Variants in NOVA1 observed in about 807,000 individuals in gnomAD.
NOVA1 encodes the protein NOVA alternative splicing regulator 1.
NOVA1 carries 7 observed loss-of-function variants against 38.0 expected under a neutral mutation model. That is an observed-to-expected ratio of 0.18 (90% confidence interval 0.10 to 0.35). The LOEUF is 0.35. NOVA1 is among the 10% of genes least tolerant of loss of function. The pLI is 1.00. For missense variants in NOVA1, 460 were observed against 616.0 expected (o/e 0.75, Z 2.68); for synonymous variants, 270 against 232.5 (o/e 1.16, Z -1.47).
At position 26,447,831 on chromosome 14, in the gene NOVA1, A is replaced by G; in HGVS notation, c.*128T>C. ...TTATTTACATATACACATTGTCAAC[A>G]TAGTCGCATTCATTTGCATAATTAT... is the stretch of plus-strand genomic sequence containing the variant. On this transcript the variant is annotated 3_prime_UTR_variant, in exon 5 of 5. Transcript: ENST00000539517. The G allele has an allele frequency of 1.5e-6, 1 of 683,674 alleles. No homozygotes were observed. Among genetic ancestry groups the G allele is most frequent in the South Asian group, 1.9e-5 (1 of 51,470 alleles). 42.4% of individuals were successfully genotyped at this position (683,674 alleles called of 1,614,324 possible).
At chr14:26,480,190 T>A in intron 2 of NOVA1, 47 bp from the exon 3 acceptor site, 1 of 1,518,240 alleles carries the variant, frequency 6.6e-7, no homozygotes, top group Non-Finnish European at 8.9e-7. Flanking sequence ...CACTTTGCAT[T>A]AAAAAAATTA....
At chr14:26,463,097 T>C (rs1228378705) in intron 4 of NOVA1, among the ~76,000 whole-genome samples, 3 of 152,180 alleles carry the variant, frequency 2.0e-5, no homozygotes, top group African/African-American at 7.2e-5. Flanking sequence ...CTCAGCATTT[T>C]AAATAGCTTC....
intron 3 of NOVA1, chr14:26,479,698 T>C (rs1017709504): frequency 7.7e-6 from 3 of 388,228 alleles, no homozygotes; most frequent in African/African-American, 6.2e-5. Flanking sequence ...TTCCTATAAA[T>C]TAAATTTGTG....
At chr14:26,461,222 A>C (rs978084833) in intron 4 of NOVA1, among the ~76,000 whole-genome samples, 2 of 152,140 alleles carry the variant, frequency 1.3e-5, no homozygotes, top group African/African-American at 2.4e-5. Flanking sequence ...TAAAAAAAGG[A>C]ATGTTACAGA....
At chr14:26,472,549 A>G (rs1884669299) in intron 3 of NOVA1, among the ~76,000 whole-genome samples, 158 bp from the exon 4 acceptor site, 1 of 152,184 alleles carries the variant, frequency 6.6e-6, no homozygotes, top group South Asian at 2.1e-4. Context: ...TTTAACATCA[A>G]TTAAGTAACT....
chr14:26,468,314 A>G (rs897104680), intron 4 of NOVA1, among the ~76,000 whole-genome samples: 2 of 151,778 alleles, frequency 1.3e-5, no homozygotes, highest in African/African-American at 4.8e-5. Context: ...ACAGGTTAAA[A>G]AAAAAAAAAA....
At chr14:26,494,849 C>G (rs1465066043) in intron 2 of NOVA1, among the ~76,000 whole-genome samples, 1 of 152,122 alleles carries the variant, frequency 6.6e-6, no homozygotes, top group Non-Finnish European at 1.5e-5. Context: ...CCACTACAAT[C>G]CACTCCTCTC....
At chr14:26,505,807 CAAAT>C in intron 2 of NOVA1, among the ~76,000 whole-genome samples, 1 of 152,166 alleles carries the variant, frequency 6.6e-6, no homozygotes, top group African/African-American at 2.4e-5. Flanking sequence ...CACATGTTAA[CAAAT>C]AAAACGGTAA....
chr14:26,579,170 G>A (rs760657024), intron 2 of NOVA1, among the ~76,000 whole-genome samples: 2 of 140,694 alleles, frequency 1.4e-5, no homozygotes, highest in South Asian at 2.4e-4. Context: ...TGACTCTCCC[G>A]CCTCAGCCTC....
intron 2 of NOVA1, among the ~76,000 whole-genome samples, chr14:26,559,725 C>T (rs116739721): frequency 6.6e-6 from 1 of 152,046 alleles, no homozygotes. Flanking sequence ...TGCTGGTTAT[C>T]AGAGGCTGGG....
intron 4 of NOVA1, among the ~76,000 whole-genome samples, chr14:26,468,541 G>A (rs1884331304): frequency 6.6e-6 from 1 of 152,100 alleles, no homozygotes; most frequent in African/African-American, 2.4e-5. Context: ...TAAGTTTGTG[G>A]TAATTTGTTA....
intron 3 of NOVA1, among the ~76,000 whole-genome samples, chr14:26,474,222 T>C (rs1884803701): frequency 1.3e-5 from 2 of 152,000 alleles, no homozygotes; most frequent in Non-Finnish European, 2.9e-5. Flanking sequence ...TTAGAATCCA[T>C]GTTGATTAAC....
chr14:26,547,619 C>A (rs1890868965), intron 2 of NOVA1, among the ~76,000 whole-genome samples: 2 of 151,956 alleles, frequency 1.3e-5, no homozygotes, highest in African/African-American at 4.8e-5. Flanking sequence ...ATAGTTTGTG[C>A]CTTTTCAACC....
intron 2 of NOVA1, among the ~76,000 whole-genome samples, chr14:26,523,047 A>G (rs1889015978): frequency 6.6e-6 from 1 of 152,130 alleles, no homozygotes; most frequent in Non-Finnish European, 1.5e-5. Flanking sequence ...GTTTTCCCTC[A>G]GTCACATTAG....
intron 2 of NOVA1, among the ~76,000 whole-genome samples, chr14:26,589,492 T>C (rs1469113644): frequency 6.6e-6 from 1 of 151,816 alleles, no homozygotes; most frequent in Non-Finnish European, 1.5e-5. Flanking sequence ...ATTTTTAATA[T>C]GCTACACCTG....
At chr14:26,522,713 A>G (rs1888985456) in intron 2 of NOVA1, among the ~76,000 whole-genome samples, 1 of 152,134 alleles carries the variant, frequency 6.6e-6, no homozygotes, top group South Asian at 2.1e-4. Flanking sequence ...ATTTCTGACA[A>G]AAATTCACAG....
chr14:26,477,907 T>C (rs1237273882), intron 3 of NOVA1, among the ~76,000 whole-genome samples: 1 of 152,028 alleles, frequency 6.6e-6, no homozygotes, highest in African/African-American at 2.4e-5. Context: ...AAAGAAAATA[T>C]GTAAGTGTTA....
chr14:26,548,633 CTATTT>C (rs1890971626), intron 2 of NOVA1, among the ~76,000 whole-genome samples: 1 of 152,094 alleles, frequency 6.6e-6, no homozygotes, highest in Non-Finnish European at 1.5e-5. Context: ...TGATATTTCT[CTATTT>C]TATAAGGCAT....
At chr14:26,528,764 T>G (rs1040797708) in intron 2 of NOVA1, among the ~76,000 whole-genome samples, 1 of 152,232 alleles carries the variant, frequency 6.6e-6, no homozygotes. Flanking sequence ...GACACTGTTA[T>G]GATTCCCTTT....
Sources: gnomAD v4.1 joint callset for allele counts (sites outside exome capture counted in the v4.1 genomes callset) on GRCh38, gnomAD v4.1.1 for gene constraint, MANE v1.5 for transcripts, NCBI Gene and HGNC (gene_info 2026-07-23, HGNC 2026-07-21) for gene names.